TOR1AIP2: variants seen among roughly 807,000 people sequenced by gnomAD.
TOR1AIP2 encodes the protein torsin-1A-interacting protein 2.
A neutral mutation model predicts 32.6 loss-of-function variants in TOR1AIP2; 20 were observed. The ratio of observed to expected loss-of-function variants is 0.61; its 90% CI spans 0.43 to 0.89. The LOEUF is 0.89. Among genes scored for constraint, TOR1AIP2 ranks in the 40% least tolerant of loss-of-function variants. The pLI, the probability that TOR1AIP2 is intolerant of heterozygous loss-of-function variation, is 0.00. For missense variants in TOR1AIP2, 456 were observed against 553.8 expected (o/e 0.82, Z 1.77); for synonymous variants, 214 against 210.8 (o/e 1.02, Z -0.13).
chr1:179,856,047 G>C (rs1412053047), intron 3 of TOR1AIP2, among the ~76,000 whole-genome samples: 1 of 152,068 alleles, frequency 6.6e-6, no homozygotes, highest in African/African-American at 2.4e-5. Context: ...GCCAGGCGTG[G>C]TGGTGCATAC....
In TOR1AIP2 at chr1:179,846,186, G is replaced by A. The variant is rs878892483; in HGVS notation, c.1298C>T (p.Thr433Ile). The A allele has an allele frequency of 6.8e-6, 11 of 1,614,210 alleles. No homozygotes were observed. In the Admixed American group the frequency reaches 1.5e-4, roughly 22 times the overall value. ...WAKFTNSDTP[T>I]SFNHMDSDKL... ...GTCTGAGTCCATGTGGTTGAAGGAG[G>A]TGGGAGTGTCAGAGTTGGTAAACTT... The change falls in exon 7 of 7, where the codon ACC becomes ATC. Residue 433 changes from threonine to isoleucine, a missense_variant. Transcript: ENST00000609928.
In TOR1AIP2 at chr1:179,851,285, T is replaced by C. The variant is rs767659348; in HGVS notation, c.113A>G (p.Glu38Gly). Residue 38 changes from glutamate to glycine, a missense_variant, in exon 5 of 7, where the codon GAA (glutamate) becomes GGA (glycine). Glu to Gly is a moderately conservative substitution (Grantham distance 98). Coordinates refer to ENST00000609928, the MANE Select transcript of TOR1AIP2 (RefSeq NM_001199260.2). ...GGCAGAGTGTAGGATCTCAGCTTCT[T>C]CAGCATTACTTGCTATGATTGTGGT... ...QETTIIASNAEEAEILHSACG... is the reference protein window; with the variant it reads ...QETTIIASNAGEAEILHSACG... 2.5e-6 allele frequency: 4 copies of C among 1,609,726 alleles called. No individual in the cohort carries two copies. In the African/African-American group the frequency reaches 5.3e-5, roughly 22 times the overall value.
In TOR1AIP2 at chr1:179,840,892, A is replaced by AATAATAATAATAATAATAATAAT. The variant is rs1695699784; in HGVS notation, c.*5156_*5178dup. The AATAATAATAATAATAATAATAAT allele has an allele frequency of 7.6e-6, 1 of 131,286 alleles. No individual in the cohort carries two copies. The highest frequency in any genetic ancestry group is 2.6e-5 in the African/African-American group (1 of 38,954). The allele number at this position is 131,286 out of a possible 1,614,324, so 8.1% of individuals were successfully genotyped here. ...ACATGTATCCCAGAACTTAAACTATAATAATAATAATAATAATAATAATAA... is the reference window on the plus strand; with the variant it reads ...ACATGTATCCCAGAACTTAAACTATAATAATAATAATAATAATAATAATATAATAATAATAATAATAATAATAA... On this transcript the variant is annotated 3_prime_UTR_variant, in exon 7 of 7. Coordinates refer to ENST00000609928, the MANE Select transcript of TOR1AIP2 (RefSeq NM_001199260.2).
intron 3 of TOR1AIP2, chr1:179,859,181 TACA>T: frequency 3.0e-6 from 3 of 984,956 alleles, no homozygotes; most frequent in Non-Finnish European, 3.6e-6. Context: ...ATAAAGCATA[TACA>T]ACAACTATAA....
At chr1:179,861,481 C>G in intron 3 of TOR1AIP2, 1 of 985,046 alleles carries the variant, frequency 1.0e-6, no homozygotes, top group Non-Finnish European at 1.2e-6. Context: ...TGTTTGAAGG[C>G]AAAGTAACCC....
At chr1:179,860,298 CATGGCG>C in intron 3 of TOR1AIP2, 2 of 776,718 alleles carry the variant, frequency 2.6e-6, no homozygotes, top group Non-Finnish European at 1.6e-6. Context: ...GCTTGGGCAA[CATGGCG>C]ATACTCCATC....
rs1455676754 is a variant in TOR1AIP2 at position 179,859,582 on chromosome 1, TACC to T, written c.-147+5851_-147+5853del. The T allele has an allele frequency of 3.0e-6, 3 of 985,344 alleles. No individual in the cohort carries two copies. The African/African-American group carries it at 5.2e-5, about 17-fold the overall frequency. 61.0% of individuals were successfully genotyped at this position (985,344 alleles called of 1,614,324 possible). On this transcript the variant is annotated intron_variant, in intron 3 of 6. Coordinates refer to ENST00000609928, the MANE Select transcript of TOR1AIP2 (RefSeq NM_001199260.2). ...TTCTTCTTTTTCCTTTTCAGGGAAC[TACC>T]ACTTCAGGAATTTGTTTATTTCAGT...
chr1:179,860,581 A>C (rs1696482595), intron 3 of TOR1AIP2: 1 of 985,482 alleles, frequency 1.0e-6, no homozygotes, highest in East Asian at 1.1e-4. Flanking sequence ...CTAAAGATTT[A>C]GTATGTGCCA....
chr1:179,861,511 A>G (rs536555504), intron 3 of TOR1AIP2: 1 of 984,396 alleles, frequency 1.0e-6, no homozygotes, highest in South Asian at 4.7e-5. Flanking sequence ...TAAAATTAAT[A>G]TTTTTGATTC....
In TOR1AIP2 at chr1:179,845,218, G is replaced by C. The variant is rs949339781; in HGVS notation, c.*853C>G. 6.6e-6 allele frequency: 1 copy of C among 152,018 alleles called. No individual in the cohort carries two copies. The highest frequency in any genetic ancestry group is 2.4e-5 in the African/African-American group (1 of 41,378). 9.4% of individuals were successfully genotyped at this position (152,018 alleles called of 1,614,324 possible). On this transcript the variant is annotated 3_prime_UTR_variant, in exon 7 of 7. Coordinates refer to ENST00000609928, the MANE Select transcript of TOR1AIP2 (RefSeq NM_001199260.2). ...AACTCGAATATCAGTGAAACTCTTT[G>C]TTCCAATGAAATCTCATAGAGAACC...
At chr1:179,859,935 C>T (rs1459746242) in intron 3 of TOR1AIP2, 1 of 711,734 alleles carries the variant, frequency 1.4e-6, no homozygotes, top group African/African-American at 1.9e-5. Context: ...CACTGAGGCT[C>T]AAGTGATCCT....
chr1:179,865,994 T>C (rs1367994687), intron 2 of TOR1AIP2, 140 bp from the exon 3 acceptor site: 1 of 152,666 alleles, frequency 6.6e-6, no homozygotes, highest in Non-Finnish European at 1.5e-5. Flanking sequence ...CTATTTAACA[T>C]GGGTTCAAAC....
At chr1:179,876,413 C>T (rs1369393740) in intron 2 of TOR1AIP2, among the ~76,000 whole-genome samples, 2 of 152,272 alleles carry the variant, frequency 1.3e-5, no homozygotes, top group East Asian at 3.9e-4. Flanking sequence ...ATGAGTCACG[C>T]AAGGTTGCGT....
Position 179,843,919 on chromosome 1 carries a change from A to T in TOR1AIP2, c.*2152T>A, listed in dbSNP as rs999769275. 9 of 152,088 alleles carry T rather than the reference A, an allele frequency of 5.9e-5. No homozygotes were observed. The South Asian group carries it at 6.2e-4, about 11-fold the overall frequency. 9.4% of individuals were successfully genotyped at this position (152,088 alleles called of 1,614,324 possible). ...TATACATGGAAGGGAAAATGTTTTT[A>T]AAAAGGCTAAATTAAAAATTATGAC... is the stretch of plus-strand genomic sequence containing the variant. On this transcript the variant is annotated 3_prime_UTR_variant, in exon 7 of 7. Coordinates refer to ENST00000609928, the MANE Select transcript of TOR1AIP2 (RefSeq NM_001199260.2).
intron 3 of TOR1AIP2, among the ~76,000 whole-genome samples, chr1:179,853,678 G>A (rs1216555341): frequency 6.6e-6 from 1 of 152,084 alleles, no homozygotes; most frequent in East Asian, 1.9e-4. Context: ...GTTTTTCTCA[G>A]TACTCTTTTG....
rs1695841215 is a variant in TOR1AIP2 at position 179,844,855 on chromosome 1, T to TA, written c.*1215dup. On this transcript the variant is annotated 3_prime_UTR_variant, in exon 7 of 7. Coordinates refer to ENST00000609928, the MANE Select transcript of TOR1AIP2 (RefSeq NM_001199260.2). ...ATATAAAATTTACTATTAAATTGGT[T>TA]ATTCAAAAATAAATTTTTAAAATAA... 1 of 152,358 alleles carries TA rather than the reference T, an allele frequency of 6.6e-6. No individual in the cohort carries two copies. Among genetic ancestry groups the TA allele is most frequent in the Non-Finnish European group, 1.5e-5 (1 of 68,022 alleles). The allele number at this position is 152,358 out of a possible 1,614,324, so 9.4% of individuals were successfully genotyped here. A position where few individuals can be genotyped will look rare whatever the true frequency, so the allele number is the denominator to read the frequency against.
intron 6 of TOR1AIP2, among the ~76,000 whole-genome samples, 182 bp from the exon 7 acceptor site, chr1:179,847,010 G>A (rs1424722025): frequency 6.6e-6 from 1 of 152,170 alleles, no homozygotes; most frequent in Non-Finnish European, 1.5e-5. Context: ...TCTCTTCTCA[G>A]ATTTAATTAT....
chr1:179,857,279 A>G (rs192715588), intron 3 of TOR1AIP2, among the ~76,000 whole-genome samples: 2 of 152,300 alleles, frequency 1.3e-5, no homozygotes, highest in African/African-American at 4.8e-5. Flanking sequence ...GCTGACAGTC[A>G]TTTCCACTTC....
At position 179,864,104 on chromosome 1, in the gene TOR1AIP2, G is replaced by A. The variant is rs1696669424; in HGVS notation, c.-147+1332C>T. 5 of 985,318 alleles carry A rather than the reference G, an allele frequency of 5.1e-6. No individual in the cohort carries two copies. The South Asian group carries it at 1.9e-4, about 37-fold the overall frequency. The allele number at this position is 985,318 out of a possible 1,614,324, so 61.0% of individuals were successfully genotyped here. On this transcript the variant is annotated intron_variant, in intron 3 of 6. Coordinates refer to ENST00000609928, the MANE Select transcript of TOR1AIP2 (RefSeq NM_001199260.2). ...TGTTTATGTAAAGCCACGTAAGTAT[G>A]GACAGGTGGCATTTCTGCATGTTTC...
Sources: gnomAD v4.1 joint callset for allele counts (sites outside exome capture counted in the v4.1 genomes callset) on GRCh38, gnomAD v4.1.1 for gene constraint, MANE v1.5 for transcripts, NCBI Gene and HGNC (gene_info 2026-07-23, HGNC 2026-07-21) for gene names.